Variants in APC2 observed in about 807,000 individuals in gnomAD.
APC2 encodes APC regulator of Wnt signaling pathway 2.
In APC2, 41 loss-of-function variants were observed where a neutral mutation model predicts 72.5. The ratio of observed to expected loss-of-function variants is 0.57; its 90% CI spans 0.44 to 0.73. The LOEUF (loss-of-function observed/expected upper bound fraction) is 0.73, where lower values mean the gene tolerates loss of function less well. Ranked by LOEUF, APC2 falls within the 30% of genes least tolerant of loss-of-function variation. The probability of loss-of-function intolerance (pLI) is 0.00; values close to 1 mark genes in which losing one functional copy is unlikely to be tolerated. For missense variants in APC2, 3,729 were observed against 3,403.4 expected, an observed-to-expected ratio of 1.10 and a Z score of -2.38; for synonymous variants, 1,898 against 1,612.0, an observed-to-expected ratio of 1.18 and a Z score of -4.25.
At position 1,465,432 on chromosome 19, in the gene APC2, C is replaced by T; in HGVS notation, c.2131C>T (p.Pro711Ser). The T allele has an allele frequency of 6.5e-7, 1 of 1,543,274 alleles. No homozygotes were observed. Among genetic ancestry groups the T allele is most frequent in the Non-Finnish European group, 8.7e-7 (1 of 1,151,222 alleles). The change falls in exon 15 of 15, where the codon CCA becomes TCA. Residue 711 changes from proline (P) to serine (S), a missense_variant. Coordinates refer to ENST00000590469, the MANE Select transcript of APC2 (RefSeq NM_005883.3). ...KHQAAATAVS[P>S]GSCVPSLYVR... Reference sequence around the variant, plus strand: ...CCAGGCGGCCGCCACCGCCGTGTCCCCAGGCAGCTGCGTGCCCAGCCTGTA... The same window carrying T: ...CCAGGCGGCCGCCACCGCCGTGTCCTCAGGCAGCTGCGTGCCCAGCCTGTA...
In APC2 at chr19:1,467,715, C is replaced by T. The variant is rs1248560142; in HGVS notation, c.4414C>T (p.Pro1472Ser). ...RAGLELPLGR[P>S]PSAPADKDGS... ...AGGGCTGGAGCTGCCCCTGGGCCGGCCCCCGAGCGCCCCCGCAGACAAGGA... is the reference window on the plus strand; with the variant it reads ...AGGGCTGGAGCTGCCCCTGGGCCGGTCCCCGAGCGCCCCCGCAGACAAGGA... Residue 1472 changes from proline (P) to serine (S), a missense_variant, in exon 15 of 15, where the codon CCC becomes TCC. Transcript: ENST00000590469. 2.8e-6 allele frequency: 4 copies of T among 1,430,496 alleles called. No homozygotes were observed. Among genetic ancestry groups the T allele is most frequent in the Non-Finnish European group, 3.6e-6 (4 of 1,098,510 alleles). 88.6% of individuals were successfully genotyped at this position (1,430,496 alleles called of 1,614,324 possible). A position where few individuals can be genotyped will look rare whatever the true frequency, so the allele number is the denominator to read the frequency against.
chr19:1,467,767 G>A lies in APC2; in HGVS notation c.4466G>A (p.Gly1489Glu), dbSNP rs753168844. The A allele has an allele frequency of 4.2e-6, 6 of 1,429,864 alleles. No individual in the cohort carries two copies. The highest frequency in any genetic ancestry group is 5.5e-6 in the Non-Finnish European group (6 of 1,097,824). The allele number at this position is 1,429,864 out of a possible 1,614,324, so 88.6% of individuals were successfully genotyped here. A position where few individuals can be genotyped will look rare whatever the true frequency, so the allele number is the denominator to read the frequency against. The change falls in exon 15 of 15, where the codon GGG (glycine) becomes GAG (glutamate). Residue 1489 changes from glycine (G) to glutamate (E), a missense_variant. Transcript: ENST00000590469. ...GGCTCAAAGCCCGGCCGGACCCGCG[G>A]GGACGGGGCGCTCCAGTCGCTGTGC... is the stretch of plus-strand genomic sequence containing the variant. ...KDGSKPGRTR[G>E]DGALQSLCLT...
In APC2 at chr19:1,466,042, G is replaced by T; in HGVS notation, c.2741G>T (p.Arg914Leu). ...EAGSRAHPLL[R>L]LKAAHASLSN... ...GGAAGCCGGGCGCACCCGCTGCTGC[G>T]GCTCAAGGCGGCCCACGCCAGCCTC... is the stretch of plus-strand genomic sequence containing the variant. The change falls in exon 15 of 15, where the codon CGG becomes CTG. Residue 914 changes from arginine to leucine, a missense_variant. By Grantham distance (102) the Arg-to-Leu change is moderately radical (BLOSUM62 -2). Coordinates refer to ENST00000590469, the MANE Select transcript of APC2 (RefSeq NM_005883.3). 6.7e-7 allele frequency: 1 copy of T among 1,495,016 alleles called. No homozygotes were observed. Among genetic ancestry groups the T allele is most frequent in the South Asian group, 1.3e-5 (1 of 74,674 alleles). The allele number at this position is 1,495,016 out of a possible 1,614,324, so 92.6% of individuals were successfully genotyped here. A position where few individuals can be genotyped will look rare whatever the true frequency, so the allele number is the denominator to read the frequency against.
In APC2 at chr19:1,470,873, C is replaced by G. The variant is rs1294857558; in HGVS notation, c.*660C>G. 1 of 152,262 alleles carries G rather than the reference C, an allele frequency of 6.6e-6. No homozygotes were observed. The highest frequency in any genetic ancestry group is 1.5e-5 in the Non-Finnish European group (1 of 68,056). The allele number at this position is 152,262 out of a possible 1,614,324, so 9.4% of individuals were successfully genotyped here. ...CGGAGCCCAAGCGCTCCGGCGGAGC[C>G]CAAAAGGGTGGGGGTGGGAGGGGCA... On this transcript the variant is annotated 3_prime_UTR_variant, in exon 15 of 15. Transcript: ENST00000590469.
Position 1,469,039 on chromosome 19 carries a change from C to T in APC2, c.5738C>T (p.Ala1913Val), listed in dbSNP as rs749847769. 70 of 1,541,684 alleles carry T rather than the reference C, an allele frequency of 4.5e-5. No individual in the cohort carries two copies. The South Asian group carries it at 7.6e-4, about 17-fold the overall frequency. Residue 1913 changes from alanine (A) to valine (V), a missense_variant, in exon 15 of 15, where the codon GCG (alanine) becomes GTG (valine). Transcript: ENST00000590469. ...PGASPVPKTP[A>V]RTLLAKQHKT... is the part of the protein sequence containing the mutation. ...GCCTCCCCGGTGCCCAAAACGCCGGCGCGCACCCTTCTGGCGAAGCAGCAC... is the reference window on the plus strand; with the variant it reads ...GCCTCCCCGGTGCCCAAAACGCCGGTGCGCACCCTTCTGGCGAAGCAGCAC...
chr19:1,470,222 G>T lies in APC2; in HGVS notation c.*9G>T. On this transcript the variant is annotated 3_prime_UTR_variant, in exon 15 of 15. Transcript: ENST00000590469. ...CCACCCTCCTGGAATAGTGGCCTAG[G>T]CCGGCCTTCTGGAACGTTCTCTCCC... is the stretch of plus-strand genomic sequence containing the variant. 6.3e-7 allele frequency: 1 copy of T among 1,577,562 alleles called. No homozygotes were observed.
At chr19:1,463,783 C>T (rs1599150672) in intron 14 of APC2, among the ~76,000 whole-genome samples, 1 of 151,862 alleles carries the variant, frequency 6.6e-6, no homozygotes, top group East Asian at 1.9e-4. Context: ...ATATAACTGT[C>T]TTCATTAAAA....
rs1236366231 is a variant in APC2, at chr19:1,469,444, C to A, written c.6143C>A (p.Ala2048Glu). ...TCCTCGCGCTGCGAAGAGCTCCGAGCGGCACCCCGGCAGGGCCCGGCCCCG... is the reference window on the plus strand; with the variant it reads ...TCCTCGCGCTGCGAAGAGCTCCGAGAGGCACCCCGGCAGGGCCCGGCCCCG... ...LCSSRCEELR[A>E]APRQGPAPAR... The change falls in exon 15 of 15, where the codon GCG (alanine) becomes GAG (glutamate). Residue 2048 changes from alanine to glutamate, a missense_variant. Ala to Glu is a moderately radical substitution (Grantham distance 107, BLOSUM62 -1). Transcript: ENST00000590469. 4 of 1,158,160 alleles carry A rather than the reference C, an allele frequency of 3.5e-6. No homozygotes were observed. Among genetic ancestry groups the A allele is most frequent in the Non-Finnish European group, 4.2e-6 (4 of 943,526 alleles). 71.7% of individuals were successfully genotyped at this position (1,158,160 alleles called of 1,614,324 possible). A position where few individuals can be genotyped will look rare whatever the true frequency, so the allele number is the denominator to read the frequency against.
chr19:1,465,447 C>A lies in APC2; in HGVS notation c.2146C>A (p.Pro716Thr), dbSNP rs1236566457. Residue 716 changes from proline (P) to threonine (T), a missense_variant, in exon 15 of 15, where the codon CCC becomes ACC. By Grantham distance (38) the Pro-to-Thr change is conservative. Coordinates refer to ENST00000590469, the MANE Select transcript of APC2 (RefSeq NM_005883.3). ...ATAVSPGSCVPSLYVRKQRAL... is the reference protein window; with the variant it reads ...ATAVSPGSCVTSLYVRKQRAL... ...CGCCGTGTCCCCAGGCAGCTGCGTG[C>A]CCAGCCTGTACGTGCGCAAGCAGCG... 3.3e-6 allele frequency: 5 copies of A among 1,538,382 alleles called. No homozygotes were observed. In the Admixed American group the frequency reaches 9.7e-5, roughly 30 times the overall value.
At chr19:1,447,325 G>A (rs2083696682), upstream of APC2, among the ~76,000 whole-genome samples, 1 of 152,240 alleles carries the variant, frequency 6.6e-6, no homozygotes, top group African/African-American at 2.4e-5. Context: ...GACAGCTCGA[G>A]GTCAGACTCA....
At position 1,465,818 on chromosome 19, in the gene APC2, GGCGGCC is replaced by G. The variant is rs1217269441; in HGVS notation, c.2518_2523del (p.Ala840_Ala841del). On this transcript the variant is annotated inframe_deletion, in exon 15 of 15. Coordinates refer to ENST00000590469, the MANE Select transcript of APC2 (RefSeq NM_005883.3). ...AGGACACCAGTGGGGAGGCAGCCGT[GGCGGCC>G]AAGGCCAAGGCCAAGCTGGCGCTTG... 4 of 1,579,972 alleles carry G rather than the reference GGCGGCC, an allele frequency of 2.5e-6. No homozygotes were observed. In the South Asian group the frequency reaches 4.6e-5, roughly 18 times the overall value.
chr19:1,469,930 A>G lies in APC2; in HGVS notation c.6629A>G (p.Glu2210Gly). Reference protein sequence around the residue: ...KTNSSTSPSLETREPPGAPAG... With the variant: ...KTNSSTSPSLGTREPPGAPAG... ...AACTCCAGCACGTCCCCGAGCCTGG[A>G]GACCAGGGAGCCCCCCGGGGCCCCC... The change falls in exon 15 of 15, where the codon GAG (glutamate) becomes GGG (glycine). Residue 2210 changes from glutamate to glycine, a missense_variant. Glu to Gly is a moderately conservative substitution (Grantham distance 98). Coordinates refer to ENST00000590469, the MANE Select transcript of APC2 (RefSeq NM_005883.3). 4 of 1,515,888 alleles carry G rather than the reference A, an allele frequency of 2.6e-6. No homozygotes were observed. The highest frequency in any genetic ancestry group is 1.9e-4 in the Middle Eastern group (1 of 5,388). The allele number at this position is 1,515,888 out of a possible 1,614,324, so 93.9% of individuals were successfully genotyped here.
In APC2 at chr19:1,471,586, G is replaced by C. The variant is rs1045417; in HGVS notation, c.*1373G>C. On this transcript the variant is annotated 3_prime_UTR_variant, in exon 15 of 15. Transcript: ENST00000590469. Reference sequence around the variant, plus strand: ...GCCTCGTCCTGCAGAGGGAGCCGACGACCTCTTTTCTGCAGAAAAGCTCCA... The same window carrying C: ...GCCTCGTCCTGCAGAGGGAGCCGACCACCTCTTTTCTGCAGAAAAGCTCCA... 1 of 152,222 alleles carries C rather than the reference G, an allele frequency of 6.6e-6. No individual in the cohort carries two copies. Among genetic ancestry groups the C allele is most frequent in the African/African-American group, 2.4e-5 (1 of 41,444 alleles). The allele number at this position is 152,222 out of a possible 1,614,324, so 9.4% of individuals were successfully genotyped here.
intron 9 of APC2, 70 bp from the exon 10 acceptor site, chr19:1,457,895 C>CGGGGGAGGG: frequency 1.6e-6 from 2 of 1,233,430 alleles, no homozygotes; most frequent in South Asian, 1.3e-5. Flanking sequence ...GGGCGGGTTG[C>CGGGGGAGGG]GGGACCTTCG....
chr19:1,453,653 G>T, intron 4 of APC2, 42 bp downstream of exon 4: 1 of 1,560,288 alleles, frequency 6.4e-7, no homozygotes, highest in South Asian at 1.2e-5. Context: ...GCTGGAGCAT[G>T]ACTCGGTCCC....
rs997150461 is a variant in APC2 at position 1,468,306 on chromosome 19, G to A, written c.5005G>A (p.Gly1669Ser). Residue 1669 changes from glycine (G) to serine (S), a missense_variant, in exon 15 of 15, where the codon GGC becomes AGC. Gly to Ser is a moderately conservative substitution (Grantham distance 56). Coordinates refer to ENST00000590469, the MANE Select transcript of APC2 (RefSeq NM_005883.3). ...ERPAEGSRERGEEAAGSDRAS... is the reference protein window; with the variant it reads ...ERPAEGSRERSEEAAGSDRAS... ...GCCCGCAGAGGGGTCCCGGGAACGC[G>A]GCGAGGAGGCAGCGGGCTCGGACCG... 3.2e-6 allele frequency: 5 copies of A among 1,545,000 alleles called. No homozygotes were observed. The highest frequency in any genetic ancestry group is 2.4e-5 in the South Asian group (2 of 83,394).
chr19:1,455,325 G>T, intron 5 of APC2, 59 bp from the exon 6 acceptor site: 1 of 1,588,386 alleles, frequency 6.3e-7, no homozygotes. Context: ...CGGCGTGGGG[G>T]AGGAACGGGG....
intron 6 of APC2, among the ~76,000 whole-genome samples, chr19:1,455,873 G>A (rs2083815030): frequency 8.6e-6 from 1 of 116,144 alleles, no homozygotes; most frequent in Non-Finnish European, 1.8e-5. Context: ...TAGACAGTGG[G>A]TGGGGTCATA....
At chr19:1,447,363 GC>G (rs1312688546), upstream of APC2, among the ~76,000 whole-genome samples, 1 of 152,242 alleles carries the variant, frequency 6.6e-6, no homozygotes, top group African/African-American at 2.4e-5. Context: ...CCAAGAGTGA[GC>G]CGTGTGCCAG....
Sources: gnomAD v4.1 joint callset for allele counts (sites outside exome capture counted in the v4.1 genomes callset) on GRCh38, gnomAD v4.1.1 for gene constraint, MANE v1.5 for transcripts, NCBI Gene and HGNC (gene_info 2026-07-23, HGNC 2026-07-21) for gene names.